Variants in RALYL observed in about 807,000 individuals in gnomAD.
The protein encoded by RALYL is RNA-binding Raly-like protein.
In RALYL, 29 loss-of-function variants were observed where a neutral mutation model predicts 35.1. The ratio of observed to expected loss-of-function variants is 0.83; its 90% CI spans 0.61 to 1.13. The LOEUF is 1.13. Among genes scored for constraint, RALYL ranks in the 50% most tolerant of loss-of-function variants. The pLI is 0.00. For synonymous variants in RALYL, 120 were observed against 127.6 expected, an observed-to-expected ratio of 0.94 and a Z score of 0.40; for missense variants, 359 against 360.4, an observed-to-expected ratio of 1.00 and a Z score of 0.03.
chr8:84,265,644 T>A (rs1199278313), intron 1 of RALYL, among the ~76,000 whole-genome samples: 1 of 147,062 alleles, frequency 6.8e-6, no homozygotes, highest in Admixed American at 6.6e-5. Context: ...TGTCAGACTG[T>A]GATATACAGA....
chr8:84,853,546 T>C (rs1223144866), intron 5 of RALYL, among the ~76,000 whole-genome samples: 1 of 152,232 alleles, frequency 6.6e-6, no homozygotes, highest in African/African-American at 2.4e-5. Flanking sequence ...AATCATTTAT[T>C]TGTTTTGTGT....
chr8:84,755,764 C>T (rs1040475452), intron 2 of RALYL, among the ~76,000 whole-genome samples: 5 of 151,660 alleles, frequency 3.3e-5, no homozygotes, highest in Admixed American at 1.3e-4. Flanking sequence ...CAAGAGAATT[C>T]TAATTCTACA....
At chr8:84,474,872 C>T (rs1352710261) in intron 1 of RALYL, among the ~76,000 whole-genome samples, 2 of 149,522 alleles carry the variant, frequency 1.3e-5, no homozygotes, top group Non-Finnish European at 3.0e-5. Flanking sequence ...TTCCCCACCC[C>T]CACCCCCAGC....
At chr8:84,421,836 A>G (rs1380343434) in intron 1 of RALYL, among the ~76,000 whole-genome samples, 12 of 146,290 alleles carry the variant, frequency 8.2e-5, no homozygotes, top group Non-Finnish European at 1.7e-4. Context: ...CTCTGTTTAT[A>G]TGCTGGATTA....
At chr8:84,658,520 A>G (rs1024281814) in intron 2 of RALYL, among the ~76,000 whole-genome samples, 1 of 152,204 alleles carries the variant, frequency 6.6e-6, no homozygotes, top group East Asian at 1.9e-4. Flanking sequence ...TTTTAGAAAC[A>G]GCAGTAAGTG....
intron 2 of RALYL, among the ~76,000 whole-genome samples, chr8:84,722,579 C>T (rs1288926451): frequency 7.6e-6 from 1 of 131,734 alleles, no homozygotes; most frequent in African/African-American, 3.0e-5. Context: ...GCTGTCAGAA[C>T]TACAATGTCT....
At chr8:84,309,068 A>G (rs1842305320) in intron 1 of RALYL, among the ~76,000 whole-genome samples, 3 of 151,666 alleles carry the variant, frequency 2.0e-5, no homozygotes, top group Non-Finnish European at 2.9e-5. Flanking sequence ...TGCAAGCAAT[A>G]TATCAACATC....
At chr8:84,606,012 G>C (rs1004611005) in intron 2 of RALYL, among the ~76,000 whole-genome samples, 1 of 151,586 alleles carries the variant, frequency 6.6e-6, no homozygotes, top group African/African-American at 2.4e-5. Context: ...TCCATTCTGC[G>C]AGCCCCTGGG....
intron 1 of RALYL, among the ~76,000 whole-genome samples, chr8:84,290,757 G>C (rs1321910035): frequency 1.3e-5 from 2 of 152,104 alleles, no homozygotes; most frequent in Non-Finnish European, 2.9e-5. Flanking sequence ...CCTGACACTT[G>C]TTTACATACT....
At chr8:84,284,415 A>G (rs993803190) in intron 1 of RALYL, among the ~76,000 whole-genome samples, 2 of 152,190 alleles carry the variant, frequency 1.3e-5, no homozygotes, top group African/African-American at 4.8e-5. Flanking sequence ...TATAAAATTC[A>G]TTTTTATTCT....
At chr8:84,572,749 A>G (rs1808320520) in intron 2 of RALYL, among the ~76,000 whole-genome samples, 1 of 151,858 alleles carries the variant, frequency 6.6e-6, no homozygotes, top group Admixed American at 6.6e-5. Flanking sequence ...GCAGTGACAT[A>G]CAAGAAAATG....
intron 2 of RALYL, among the ~76,000 whole-genome samples, chr8:84,641,653 C>T (rs1169464901): frequency 6.6e-6 from 1 of 151,462 alleles, no homozygotes; most frequent in Admixed American, 6.6e-5. Context: ...AAGTTATTTC[C>T]CTGTTAACCA....
chr8:84,307,893 A>G (rs575859155), intron 1 of RALYL, among the ~76,000 whole-genome samples: 1 of 152,170 alleles, frequency 6.6e-6, no homozygotes, highest in African/African-American at 2.4e-5. Context: ...ATAAATAAGG[A>G]ATGTTCACCA....
At chr8:84,220,465 G>A (rs556890020) in intron 1 of RALYL, among the ~76,000 whole-genome samples, 80 of 152,078 alleles carry the variant, frequency 5.3e-4, no homozygotes, top group African/African-American at 1.9e-3. Flanking sequence ...TAACTTTTGG[G>A]AAACATAGTT....
At chr8:84,211,713 A>C (rs1355978851) in intron 1 of RALYL, among the ~76,000 whole-genome samples, 1 of 151,190 alleles carries the variant, frequency 6.6e-6, no homozygotes, top group African/African-American at 2.5e-5. Flanking sequence ...GTTGGCTGAC[A>C]GCAAGATGTG....
chr8:84,192,956 A>C (rs1463546097), intron 1 of RALYL, among the ~76,000 whole-genome samples: 1 of 151,010 alleles, frequency 6.6e-6, no homozygotes, highest in Admixed American at 6.6e-5. Context: ...TTTGTTAACC[A>C]ACTTTAAATC....
At chr8:84,722,533 G>A (rs368046442) in intron 2 of RALYL, among the ~76,000 whole-genome samples, 1 of 149,068 alleles carries the variant, frequency 6.7e-6, no homozygotes, top group South Asian at 2.1e-4. Context: ...ACACAACAGT[G>A]GATGAAAGAG....
In RALYL at chr8:84,749,930, G is replaced by T. The variant is rs1809548840; in HGVS notation, c.257-24649G>T. ...AACCACAGATGTGGAACCCTGAGAG[G>T]CAGCTCATCCTGGCTTATATACCTT... On this transcript the variant is annotated intron_variant, in intron 2 of 8. Coordinates refer to ENST00000521268, the MANE Select transcript of RALYL (RefSeq NM_173848.7). Among the ~76,000 whole-genome samples, 3 of 152,258 alleles carry T rather than the reference G, an allele frequency of 2.0e-5. No homozygotes were observed. In the South Asian group the frequency reaches 6.2e-4, roughly 32 times the overall value.
intron 1 of RALYL, among the ~76,000 whole-genome samples, chr8:84,199,940 G>A (rs1161188750): frequency 2.6e-5 from 4 of 152,156 alleles, no homozygotes; most frequent in South Asian, 2.1e-4. Context: ...GCATTGGAAG[G>A]TAATAGTGTA....
Sources: allele counts gnomAD v4.1 joint callset (sites outside exome capture counted in the v4.1 genomes callset), GRCh38; gene constraint gnomAD v4.1.1; transcripts MANE v1.5; gene names NCBI Gene and HGNC (gene_info 2026-07-23, HGNC 2026-07-21).